The following KAZN variants were observed in gnomAD, a reference collection of about 807,000 sequenced individuals.
KAZN encodes kazrin.
A neutral mutation model predicts 87.4 loss-of-function variants in KAZN; 40 were observed. That is an observed-to-expected ratio of 0.46 (90% confidence interval 0.36 to 0.60). The LOEUF (loss-of-function observed/expected upper bound fraction) is 0.60, where lower values mean the gene tolerates loss of function less well. Ranked by LOEUF, KAZN falls within the 20% of genes least tolerant of loss-of-function variation. KAZN has a pLI of 0.00. For missense variants in KAZN, 898 were observed against 1,073.9 expected, an observed-to-expected ratio of 0.84 and a Z score of 2.29; for synonymous variants, 466 against 458.3, an observed-to-expected ratio of 1.02 and a Z score of -0.22.
intron 2 of KAZN, among the ~76,000 whole-genome samples, chr1:14,480,997 C>A (rs1669051998): frequency 6.6e-6 from 1 of 151,000 alleles, no homozygotes; most frequent in Non-Finnish European, 1.5e-5. Context: ...GATGGAAAGG[C>A]AATGATGACT....
intron 1 of KAZN, among the ~76,000 whole-genome samples, chr1:14,712,949 A>G (rs1046287830): frequency 1.3e-5 from 2 of 152,160 alleles, no homozygotes; most frequent in African/African-American, 2.4e-5. Flanking sequence ...CACATTCCCT[A>G]TAGATGCTCA....
intron 10 of KAZN, among the ~76,000 whole-genome samples, chr1:15,097,831 G>A (rs991291820): frequency 4.6e-5 from 7 of 152,142 alleles, no homozygotes; most frequent in South Asian, 2.1e-4. Flanking sequence ...AAATAAAGTC[G>A]GAGAAAATTA....
intron 1 of KAZN, among the ~76,000 whole-genome samples, chr1:14,842,407 C>T (rs954747835): frequency 1.3e-5 from 2 of 152,194 alleles, no homozygotes; most frequent in Admixed American, 1.3e-4. Flanking sequence ...CAAGGTAGCA[C>T]GATGAGAAGA....
chr1:14,524,167 A>G (rs547042570), intron 2 of KAZN, among the ~76,000 whole-genome samples: 33 of 152,100 alleles, frequency 2.2e-4, no homozygotes, highest in Non-Finnish European at 3.1e-4. Flanking sequence ...GATTACAGGC[A>G]TGCACCACCA....
intron 2 of KAZN, among the ~76,000 whole-genome samples, chr1:14,979,451 CATGCTGGGCCCT>C (rs1557681447): frequency 6.6e-6 from 1 of 152,062 alleles, no homozygotes; most frequent in Non-Finnish European, 1.5e-5. Flanking sequence ...GTGAGCCCAG[CATGCTGGGCCCT>C]GCAATCAATT....
chr1:14,741,343 G>T (rs1644093129), intron 1 of KAZN, among the ~76,000 whole-genome samples: 1 of 152,196 alleles, frequency 6.6e-6, no homozygotes. Flanking sequence ...GGGGGCAGCT[G>T]GTGGCACAGG....
intron 1 of KAZN, among the ~76,000 whole-genome samples, chr1:14,651,033 A>G (rs1048850792): frequency 6.6e-6 from 1 of 152,230 alleles, no homozygotes; most frequent in African/African-American, 2.4e-5. Flanking sequence ...AAGAATTCGG[A>G]GAAAGTCACT....
intron 1 of KAZN, among the ~76,000 whole-genome samples, chr1:14,668,538 A>G (rs888494915): frequency 6.6e-6 from 1 of 152,004 alleles, no homozygotes; most frequent in African/African-American, 2.4e-5. Flanking sequence ...CCCAGAGCCC[A>G]CCTGGGGAAA....
rs371587234 is a variant in KAZN at position 14,875,318 on chromosome 1, T to C, written c.227-85366T>C. Among the ~76,000 whole-genome samples the C allele has an allele frequency of 7.4e-4, 83 of 111,566 alleles. 1 individual carries two copies. Among genetic ancestry groups the C allele is most frequent in the African/African-American group, 2.1e-3 (60 of 28,766 alleles). 73.2% of individuals were successfully genotyped at this position (111,566 alleles called of 152,430 possible). A position where few individuals can be genotyped will look rare whatever the true frequency, so the allele number is the denominator to read the frequency against. The stretch of plus-strand genomic sequence containing the variant: ...TGCACTCCATCCTGGGCAACAAGAG[T>C]GAAACTCTGTCTCAAAAAAAAAAAA... On this transcript the variant is annotated intron_variant, in intron 1 of 14. Coordinates refer to ENST00000376030, the MANE Select transcript of KAZN (RefSeq NM_201628.3).
chr1:13,958,523 G>A (rs571720143), intron 1 of KAZN, among the ~76,000 whole-genome samples: 3 of 148,212 alleles, frequency 2.0e-5, no homozygotes, highest in South Asian at 4.2e-4. Flanking sequence ...GCCATGAGCC[G>A]AGATTGCGCC....
intron 2 of KAZN, among the ~76,000 whole-genome samples, chr1:14,581,251 G>A (rs115983389): frequency 6.6e-6 from 1 of 152,100 alleles, no homozygotes; most frequent in African/African-American, 2.4e-5. Context: ...ACCGCCTTCC[G>A]CATTCGGGAA....
rs1454026814 is a variant in KAZN at position 15,077,658 on chromosome 1, T to C, written c.1222+11905T>C. ...AGTCTCTGGGACTCAGAGATGGGGG[T>C]TGGGGGTTTCACCTTCAGGTGAAGA... On this transcript the variant is annotated intron_variant, in intron 8 of 14. Coordinates refer to ENST00000376030, the MANE Select transcript of KAZN (RefSeq NM_201628.3). This position sits in a 1 kb window ranked among gnomAD's most constrained non-coding sequence, Gnocchi z 4.8. Among the ~76,000 whole-genome samples the C allele has an allele frequency of 6.6e-6, 1 of 151,804 alleles. No individual in the cohort carries two copies. The highest frequency in any genetic ancestry group is 2.4e-5 in the African/African-American group (1 of 41,310).
At chr1:15,025,542 C>A (rs1486178381) in intron 2 of KAZN, among the ~76,000 whole-genome samples, 1 of 152,206 alleles carries the variant, frequency 6.6e-6, no homozygotes, top group Non-Finnish European at 1.5e-5. Context: ...CTAATCAACC[C>A]AGCTTCCTAG....
intron 1 of KAZN, among the ~76,000 whole-genome samples, chr1:14,869,750 C>T (rs1443445592): frequency 6.6e-6 from 1 of 152,192 alleles, no homozygotes; most frequent in Non-Finnish European, 1.5e-5. Flanking sequence ...TGTTCTCCTT[C>T]GTGTTGGCAA....
intron 1 of KAZN, among the ~76,000 whole-genome samples, chr1:14,707,673 G>A (rs1030778610): frequency 6.6e-6 from 1 of 152,156 alleles, no homozygotes; most frequent in Non-Finnish European, 1.5e-5. Context: ...TTTGCTCCAA[G>A]ACCCACTGCT....
chr1:14,365,996 C>T (rs1426697175), intron 2 of KAZN, among the ~76,000 whole-genome samples: 2 of 152,148 alleles, frequency 1.3e-5, no homozygotes, highest in Non-Finnish European at 2.9e-5. Flanking sequence ...AGTTCATACA[C>T]GAGTCATAGC....
rs990595771 is a variant in KAZN, at chr1:15,043,249, C to T, written c.556-740C>T. 2.1e-4 allele frequency among the ~76,000 whole-genome samples: 32 copies of T among 152,352 alleles called. 1 individual carries two copies. The highest frequency in any genetic ancestry group is 3.4e-3 in the Middle Eastern group (1 of 294). ...CGCTGGTGCCTCCTTACTGTTGACC[C>T]TGTTTCCCTGTGATGAACACAATTG... On this transcript the variant is annotated intron_variant, in intron 3 of 14. Coordinates refer to ENST00000376030, the MANE Select transcript of KAZN (RefSeq NM_201628.3).
chr1:14,808,658 A>G, intron 1 of KAZN, among the ~76,000 whole-genome samples: 1 of 151,978 alleles, frequency 6.6e-6, no homozygotes, highest in South Asian at 2.1e-4. Context: ...AAAGTCTTAG[A>G]CTCTGGGGGA....
Position 14,407,678 on chromosome 1 carries a change from C to T in KAZN, c.250-191305C>T, listed in dbSNP as rs568417397. ...TTAAAATGAGAATAATCACACCTAG[C>T]GTAGAGTGTTGTATAAACTGTTATC... is the stretch of plus-strand genomic sequence containing the variant. On this transcript the variant is annotated intron_variant, in intron 2 of 16. Transcript: ENST00000636203. 2.1e-4 allele frequency among the ~76,000 whole-genome samples: 32 copies of T among 152,202 alleles called. No homozygotes were observed. In the South Asian group the frequency reaches 3.1e-3, roughly 15 times the overall value.
Sources: allele counts gnomAD v4.1 joint callset (sites outside exome capture counted in the v4.1 genomes callset), GRCh38; gene constraint gnomAD v4.1.1; non-coding constraint Gnocchi (gnomAD v3.1); transcripts MANE v1.5; gene names NCBI Gene and HGNC (gene_info 2026-07-23, HGNC 2026-07-21).